Variants in CDAN1 observed in about 807,000 individuals in gnomAD.
CDAN1 encodes codanin 1, also known as codanin-1.
CDAN1 carries 107 observed loss-of-function variants against 139.8 expected under a neutral mutation model. That is an observed-to-expected ratio of 0.77 (90% confidence interval 0.65 to 0.90). CDAN1 has a LOEUF of 0.90. Among genes scored for constraint, CDAN1 ranks in the 40% least tolerant of loss-of-function variants. The pLI is 0.00. For missense variants in CDAN1, 1,667 were observed against 1,575.7 expected, an observed-to-expected ratio of 1.06 and a Z score of -0.98; for synonymous variants, 776 against 660.6, an observed-to-expected ratio of 1.17 and a Z score of -2.68.
rs745406952 is a variant in CDAN1 at position 42,735,172 on chromosome 15, A to T, written c.1064T>A (p.Leu355Gln). Residue 355 changes from leucine (L) to glutamine (Q), a missense_variant, in exon 6 of 28, where the codon CTG (leucine) becomes CAG (glutamine). Coordinates refer to ENST00000356231, the MANE Select transcript of CDAN1 (RefSeq NM_138477.4). ...PELSPAVLDS[L>Q]ESPLFQSIHD... ...GATGCTTTGGAACAGTGGACTTTCC[A>T]GGGAATCTAGAAGGACAGTACCAAG... 6.2e-7 allele frequency: 1 copy of T among 1,613,614 alleles called. No individual in the cohort carries two copies.
rs1257838554 is a variant in CDAN1 at position 42,728,503 on chromosome 15, C to A, written c.2804+149G>T. On this transcript the variant is annotated intron_variant, in intron 20 of 27. Transcript: ENST00000356231. ...CTTTTGTGCCACAGAAGGCCTACAG[C>A]CAGTGCAGGGCTTATAGAGAATGGG... The A allele has an allele frequency of 2.6e-5, 31 of 1,206,574 alleles. No individual in the cohort carries two copies. The South Asian group carries it at 3.7e-4, about 14-fold the overall frequency. The allele number at this position is 1,206,574 out of a possible 1,614,324, so 74.7% of individuals were successfully genotyped here.
Position 42,736,381 on chromosome 15 carries a change from G to A in CDAN1, c.490C>T (p.Leu164Phe). ...RGSGSPSRPS[L>F]TLSDPPNLSN... Reference sequence around the variant, plus strand: ...AGGTTTGGCGGATCAGACAGCGTGAGGCTGGGGCGGCTGGGGCTGCCAGAG... The same window carrying A: ...AGGTTTGGCGGATCAGACAGCGTGAAGCTGGGGCGGCTGGGGCTGCCAGAG... The change falls in exon 2 of 28, where the codon CTC (leucine) becomes TTC (phenylalanine). Residue 164 changes from leucine to phenylalanine, a missense_variant. By Grantham distance (22) the Leu-to-Phe change is conservative (BLOSUM62 0). This residue lies in a region of CDAN1 where 487 missense variants were observed against 422.2 expected (regional missense o/e 1.15). Coordinates refer to ENST00000356231, the MANE Select transcript of CDAN1 (RefSeq NM_138477.4). 3 of 1,612,904 alleles carry A rather than the reference G, an allele frequency of 1.9e-6. No individual in the cohort carries two copies. Among genetic ancestry groups the A allele is most frequent in the Non-Finnish European group, 2.5e-6 (3 of 1,179,710 alleles).
At position 42,724,506 on chromosome 15, in the gene CDAN1, C is replaced by T; in HGVS notation, c.3669G>A (p.Val1223=). ...CELVQPNRGT[V]LAQS ...CTTCTCAGCCCTAGCTCTGGGCCAGCACAGTGCCCCGGTTTGGCTGCACCA... is the reference window on the plus strand; with the variant it reads ...CTTCTCAGCCCTAGCTCTGGGCCAGTACAGTGCCCCGGTTTGGCTGCACCA... The change falls in exon 28 of 28, where the codon GTG becomes GTA. Residue 1223 remains valine, a synonymous_variant. Coordinates refer to ENST00000356231, the MANE Select transcript of CDAN1 (RefSeq NM_138477.4). 1 of 1,576,058 alleles carries T rather than the reference C, an allele frequency of 6.3e-7. No homozygotes were observed. Among genetic ancestry groups the T allele is most frequent in the Non-Finnish European group, 8.6e-7 (1 of 1,159,650 alleles).
chr15:42,728,935 C>T, intron 19 of CDAN1, 88 bp downstream of exon 19: 4 of 1,575,252 alleles, frequency 2.5e-6, no homozygotes, highest in Non-Finnish European at 3.5e-6. Context: ...CACACCCACC[C>T]TCTGGCTGAC....
chr15:42,736,760 G>A lies in CDAN1; in HGVS notation c.111C>T (p.Ala37=). 1.3e-6 allele frequency: 2 copies of A among 1,550,696 alleles called. No individual in the cohort carries two copies. Among genetic ancestry groups the A allele is most frequent in the Non-Finnish European group, 1.7e-6 (2 of 1,154,040 alleles). Residue 37 remains alanine, a synonymous_variant, in exon 2 of 28, where the codon GCC becomes GCT. Transcript: ENST00000356231. ...QGSEDNAGEA[A]ALSSLRALRK... is the part of the protein sequence containing the mutation. ...GCAGGGCCCGGAGTGAGCTCAGCGC[G>A]GCCGCCTCCCCAGCGTTATCCTAGG... is the stretch of plus-strand genomic sequence containing the variant.
In CDAN1 at chr15:42,728,692, G is replaced by T. The variant is rs1189474605; in HGVS notation, c.2764C>A (p.Leu922Met). 2.5e-6 allele frequency: 4 copies of T among 1,614,208 alleles called. No homozygotes were observed. Among genetic ancestry groups the T allele is most frequent in the Non-Finnish European group, 3.4e-6 (4 of 1,180,042 alleles). The change falls in exon 20 of 28, where the codon CTG becomes ATG. Residue 922 changes from leucine (L) to methionine (M), a missense_variant. Physicochemically the swap from Leu to Met is conservative, Grantham distance 15. Around this residue, in one of 3 missense-constraint regions of CDAN1, gnomAD observed 936 missense variants for 844.1 expected, o/e 1.11. Coordinates refer to ENST00000356231, the MANE Select transcript of CDAN1 (RefSeq NM_138477.4). ...AATGCCTGGGCCCCGTGAGGGCACAGCTGGGAACACAAGATCTCCAACAGC... is the reference window on the plus strand; with the variant it reads ...AATGCCTGGGCCCCGTGAGGGCACATCTGGGAACACAAGATCTCCAACAGC... ...AQLLEILCSQ[L>M]CPHGAQALAL... is the part of the protein sequence containing the mutation.
At position 42,737,045 on chromosome 15, in the gene CDAN1, G is replaced by A; in HGVS notation, c.58C>T (p.Arg20Trp). 3 of 1,544,494 alleles carry A rather than the reference G, an allele frequency of 1.9e-6. No individual in the cohort carries two copies. Among genetic ancestry groups the A allele is most frequent in the Non-Finnish European group, 2.6e-6 (3 of 1,143,998 alleles). ...REEVSVAAVV[R>W]WIARSTQGSE... ...CCCTGGGTGCTGCGCGCGATCCACC[G>A]CACGACGGCTGCGACCGACACCTCT... The change falls in exon 1 of 28, where the codon CGG (arginine) becomes TGG (tryptophan). Residue 20 changes from arginine (R) to tryptophan (W), a missense_variant. Physicochemically the swap from Arg to Trp is moderately radical, Grantham distance 101. Transcript: ENST00000356231.
rs1388397359 is a variant in CDAN1 at position 42,735,356 on chromosome 15, A to C, written c.962T>G (p.Leu321Arg). Reference sequence around the variant, plus strand: ...AAAGACGAAGAAAAGCTCCAAGAAGAGGTTTGGTACCAGGTTCTCTAGATA... The same window carrying C: ...AAAGACGAAGAAAAGCTCCAAGAAGCGGTTTGGTACCAGGTTCTCTAGATA... ...SCIAENLVPN[L>R]FLELFFVFQL... Residue 321 changes from leucine to arginine, a missense_variant, in exon 5 of 28, where the codon CTC becomes CGC. By Grantham distance (102) the Leu-to-Arg change is moderately radical. Around this residue, in one of 3 missense-constraint regions of CDAN1, gnomAD observed 244 missense variants for 309.4 expected, o/e 0.79. Transcript: ENST00000356231. The C allele has an allele frequency of 3.1e-6, 5 of 1,607,248 alleles. No individual in the cohort carries two copies. Among genetic ancestry groups the C allele is most frequent in the Non-Finnish European group, 4.2e-6 (5 of 1,176,560 alleles).
intron 25 of CDAN1, 118 bp from the exon 26 acceptor site, chr15:42,725,788 G>T: frequency 9.4e-7 from 1 of 1,061,612 alleles, no homozygotes; most frequent in Non-Finnish European, 1.4e-6. Flanking sequence ...TTCGAGACCA[G>T]TCTGGCCAAC....
At position 42,726,164 on chromosome 15, in the gene CDAN1, C is replaced by A; in HGVS notation, c.3205-4G>T. The stretch of plus-strand genomic sequence containing the variant: ...GCTCAGCAGGTGGGCACAGGAACTG[C>A]GGTTGGGGTGGGGGGGAAAGAGAGA... On this transcript the variant is annotated splice_polypyrimidine_tract_variant and splice_region_variant and intron_variant, in intron 24 of 27. Transcript: ENST00000356231. The A allele has an allele frequency of 1.9e-6, 3 of 1,613,786 alleles. No individual in the cohort carries two copies. The highest frequency in any genetic ancestry group is 2.5e-6 in the Non-Finnish European group (3 of 1,179,864).
intron 20 of CDAN1, 145 bp from the exon 21 acceptor site, chr15:42,728,412 C>T: frequency 3.0e-6 from 2 of 668,100 alleles, no homozygotes; most frequent in South Asian, 2.9e-5. Flanking sequence ...ACCCCAGGTG[C>T]CAGAGAAAAG....
rs2061688742 is a variant in CDAN1 at position 42,736,419 on chromosome 15, C to G, written c.452G>C (p.Arg151Pro). 2 of 1,605,514 alleles carry G rather than the reference C, an allele frequency of 1.2e-6. No individual in the cohort carries two copies. Among genetic ancestry groups the G allele is most frequent in the Admixed American group, 1.7e-5 (1 of 59,390 alleles). ...GGGGCTGCCAGAGCCCCTAAGCCTC[C>G]GGCCCCCGGCTCCGGGCAGGCTCTC... is the stretch of plus-strand genomic sequence containing the variant. ...SGESLPGAGGRRLRGSGSPSR... is the reference protein window; with the variant it reads ...SGESLPGAGGPRLRGSGSPSR... Residue 151 changes from arginine to proline, a missense_variant, in exon 2 of 28, where the codon CGG (arginine) becomes CCG (proline). Physicochemically the swap from Arg to Pro is moderately radical, Grantham distance 103. This residue lies in a region of CDAN1 where 487 missense variants were observed against 422.2 expected (regional missense o/e 1.15). Transcript: ENST00000356231.
Position 42,727,725 on chromosome 15 carries a change from G to C in CDAN1, c.2992C>G (p.Arg998Gly). The change falls in exon 23 of 28, where the codon CGA becomes GGA. Residue 998 changes from arginine to glycine, a missense_variant. Arg to Gly is a moderately radical substitution (Grantham distance 125). This residue lies in a region of CDAN1 where 936 missense variants were observed against 844.1 expected (regional missense o/e 1.11). Transcript: ENST00000356231. The stretch of plus-strand genomic sequence containing the variant: ...GCAGCAGGTTCAGGACCCTGGGCTC[G>C]AAGTGTGCGACTCACTGCTGCTTTC... ...EVKAAVSRTL[R>G]AQGPEPAARG... is the part of the protein sequence containing the mutation. The C allele has an allele frequency of 4.4e-6, 7 of 1,585,494 alleles. No homozygotes were observed. Among genetic ancestry groups the C allele is most frequent in the Non-Finnish European group, 6.0e-6 (7 of 1,161,968 alleles).
At position 42,727,875 on chromosome 15, in the gene CDAN1, C is replaced by G. The variant is rs939420993; in HGVS notation, c.2947+80G>C. 4.6e-5 allele frequency: 73 copies of G among 1,599,322 alleles called. No individual in the cohort carries two copies. In the African/African-American group the frequency reaches 7.6e-4, roughly 17 times the overall value. On this transcript the variant is annotated intron_variant, in intron 22 of 27. Transcript: ENST00000356231. ...GTTTCCTACTGGCTCTCAGTCCCAT[C>G]GCCCACAAGATGCCTCTGACTCTCT...
At position 42,736,779 on chromosome 15, in the gene CDAN1, T is replaced by C. The variant is rs1391042513; in HGVS notation, c.92A>G (p.Asp31Gly). 6.5e-7 allele frequency: 1 copy of C among 1,534,758 alleles called. No individual in the cohort carries two copies. Among genetic ancestry groups the C allele is most frequent in the Non-Finnish European group, 8.7e-7 (1 of 1,147,322 alleles). Residue 31 changes from aspartate (D) to glycine (G), a missense_variant and splice_region_variant, in exon 2 of 28, where the codon GAT (aspartate) becomes GGT (glycine). Physicochemically the swap from Asp to Gly is moderately conservative, Grantham distance 94. This residue lies in a region of CDAN1 where 487 missense variants were observed against 422.2 expected (regional missense o/e 1.15). Transcript: ENST00000356231. ...CAGCGCGGCCGCCTCCCCAGCGTTA[T>C]CCTAGGGCAGAAGCACAGGTGGAGG... ...WIARSTQGSE[D>G]NAGEAAALSS...
chr15:42,728,347 C>A lies in CDAN1; in HGVS notation c.2805-80G>T. On this transcript the variant is annotated intron_variant, in intron 20 of 27. Coordinates refer to ENST00000356231, the MANE Select transcript of CDAN1 (RefSeq NM_138477.4). ...AAGTAAATGCCCCGAGTGCACCAAG[C>A]CCCTGACCTGGGAGGCTGTACCTTG... 4 of 1,474,372 alleles carry A rather than the reference C, an allele frequency of 2.7e-6. No individual in the cohort carries two copies. The East Asian group carries it at 6.8e-5, about 25-fold the overall frequency. The allele number at this position is 1,474,372 out of a possible 1,614,324, so 91.3% of individuals were successfully genotyped here.
At chr15:42,732,892 C>G (rs764512678) in intron 9 of CDAN1, among the ~76,000 whole-genome samples, 2 of 152,140 alleles carry the variant, frequency 1.3e-5, no homozygotes, top group Non-Finnish European at 2.9e-5. Context: ...GGATAAGACA[C>G]CTGTGAGTGG....
At chr15:42,731,599 G>A (rs747240952) in intron 11 of CDAN1, 21 bp downstream of exon 11, 10 of 1,611,958 alleles carry the variant, frequency 6.2e-6, no homozygotes, top group South Asian at 1.1e-5. Flanking sequence ...CCCATTCCTT[G>A]CAAGACACAG....
At position 42,735,600 on chromosome 15, in the gene CDAN1, T is replaced by C. The variant is rs146087685; in HGVS notation, c.853A>G (p.Ser285Gly). 2 of 1,614,210 alleles carry C rather than the reference T, an allele frequency of 1.2e-6. No individual in the cohort carries two copies. The highest frequency in any genetic ancestry group is 1.7e-6 in the Non-Finnish European group (2 of 1,180,048). The change falls in exon 4 of 28, where the codon AGC becomes GGC. Residue 285 changes from serine (S) to glycine (G), a missense_variant. Around this residue, in one of 3 missense-constraint regions of CDAN1, gnomAD observed 487 missense variants for 422.2 expected, o/e 1.15. Transcript: ENST00000356231. ...LGSPLPSRTG[S>G]LTDEPADPAR... ...GGGTCTGCAGGTTCATCTGTGAGGC[T>C]TCCTGTCCGGCTGGGGAGGGGCGAC...
Sources: allele counts gnomAD v4.1 joint callset (sites outside exome capture counted in the v4.1 genomes callset), GRCh38; gene constraint gnomAD v4.1.1; regional missense constraint gnomAD v4.1.1; transcripts MANE v1.5; gene names NCBI Gene and HGNC (gene_info 2026-07-23, HGNC 2026-07-21).